PRRC2C: variants seen among roughly 807,000 people sequenced by gnomAD.
The protein encoded by PRRC2C is protein PRRC2C.
A neutral mutation model predicts 317.2 loss-of-function variants in PRRC2C; 72 were observed. The observed-to-expected ratio is 0.23, with a 90% CI of 0.19 to 0.28. PRRC2C has a LOEUF of 0.28. PRRC2C is among the 10% of genes least tolerant of loss of function. The pLI is 1.00. For missense variants in PRRC2C, 3,074 were observed against 3,459.7 expected, an observed-to-expected ratio of 0.89 and a Z score of 2.80; for synonymous variants, 1,296 against 1,205.9, an observed-to-expected ratio of 1.07 and a Z score of -1.55.
At chr1:171,578,072 A>T (rs1395546680) in intron 26 of PRRC2C, among the ~76,000 whole-genome samples, 2 of 150,370 alleles carry the variant, frequency 1.3e-5, no homozygotes, top group African/African-American at 4.9e-5. Flanking sequence ...CTGGAATTAT[A>T]GGCATGAGCC....
At chr1:171,578,784 C>T (rs541684411) in intron 26 of PRRC2C, among the ~76,000 whole-genome samples, 9 of 151,678 alleles carry the variant, frequency 5.9e-5, no homozygotes, top group South Asian at 2.1e-4. Flanking sequence ...CGCTTGAACC[C>T]GGGAGGTGGA....
At chr1:171,493,165 G>C (rs1667498510) in intron 1 of PRRC2C, among the ~76,000 whole-genome samples, 1 of 152,016 alleles carries the variant, frequency 6.6e-6, no homozygotes, top group South Asian at 2.1e-4. Flanking sequence ...TGATACGGAG[G>C]GATGTTAACC....
At chr1:171,567,688 C>T (rs1683945678) in intron 22 of PRRC2C, among the ~76,000 whole-genome samples, 2 of 152,154 alleles carry the variant, frequency 1.3e-5, no homozygotes, top group Non-Finnish European at 2.9e-5. Context: ...TAATAACCTA[C>T]AGAAATAAAT....
chr1:171,516,191 A>G (rs1672325938), intron 5 of PRRC2C, among the ~76,000 whole-genome samples: 1 of 152,224 alleles, frequency 6.6e-6, no homozygotes, highest in Admixed American at 6.5e-5. Context: ...GTAACTATTT[A>G]CTTACTACTG....
At chr1:171,510,737 C>G (rs1022982577) in intron 1 of PRRC2C, 2 of 151,796 alleles carry the variant, frequency 1.3e-5, no homozygotes, top group Non-Finnish European at 2.9e-5. Context: ...TAAACGTATA[C>G]GTGAAAAGCG....
chr1:171,527,637 T>C (rs1337301598), intron 10 of PRRC2C, among the ~76,000 whole-genome samples, 154 bp from the exon 11 acceptor site: 1 of 152,020 alleles, frequency 6.6e-6, no homozygotes, highest in African/African-American at 2.4e-5. Flanking sequence ...ACGCCTGTAA[T>C]CCCAGGTATT....
chr1:171,580,097 G>T, intron 28 of PRRC2C, 133 bp downstream of exon 28: 1 of 709,104 alleles, frequency 1.4e-6, no homozygotes, highest in Non-Finnish European at 2.0e-6. Context: ...TTGGCTAATT[G>T]AGCATGTTGA....
intron 11 of PRRC2C, among the ~76,000 whole-genome samples, chr1:171,529,351 T>C (rs1391559735): frequency 6.6e-6 from 1 of 152,176 alleles, no homozygotes; most frequent in Non-Finnish European, 1.5e-5. Context: ...ACATCTCCAC[T>C]TGGATCTCTA....
At chr1:171,508,896 C>CT (rs1356947538) in intron 1 of PRRC2C, among the ~76,000 whole-genome samples, 15 of 150,068 alleles carry the variant, frequency 1.0e-4, no homozygotes, top group East Asian at 7.8e-4. Context: ...TTTCTTTTTC[C>CT]TTTTTTTTGA....
chr1:171,583,924 C>T, intron 28 of PRRC2C, 32 bp from the exon 29 acceptor site: 4 of 1,555,100 alleles, frequency 2.6e-6, no homozygotes, highest in Non-Finnish European at 3.5e-6. Context: ...AAATTAACTT[C>T]TAACAATATT....
intron 30 of PRRC2C, among the ~76,000 whole-genome samples, chr1:171,586,259 A>AT (rs202207760): frequency 2.3e-3 from 339 of 146,322 alleles, no homozygotes; most frequent in African/African-American, 8.0e-3. Flanking sequence ...TTATTTATTT[A>AT]TTTTTTTTTT....
At chr1:171,504,407 G>C (rs531360615) in intron 1 of PRRC2C, among the ~76,000 whole-genome samples, 1 of 152,190 alleles carries the variant, frequency 6.6e-6, no homozygotes, top group South Asian at 2.1e-4. Flanking sequence ...TACAGTTTCA[G>C]GTTTTACATT....
At position 171,545,653 on chromosome 1, in the gene PRRC2C, T is replaced by C; in HGVS notation, c.4938T>C (p.Asp1646=). ...CTAAAAAACCAAAAGAGAAAGTGGA[T>C]GCTCTATCACAGTTTGATCTCAACA... ...PGPKKPKEKV[D]ALSQFDLNNY... Residue 1646 remains aspartate (D), a synonymous_variant, in exon 17 of 35, where the codon GAT becomes GAC. Coordinates refer to ENST00000647382, the MANE Select transcript of PRRC2C (RefSeq NM_001387844.1). The C allele has an allele frequency of 6.2e-7, 1 of 1,613,144 alleles. No homozygotes were observed. The highest frequency in any genetic ancestry group is 8.5e-7 in the Non-Finnish European group (1 of 1,179,372).
chr1:171,565,582 C>T (rs1683500603), intron 20 of PRRC2C, among the ~76,000 whole-genome samples: 3 of 152,032 alleles, frequency 2.0e-5, no homozygotes, highest in Admixed American at 1.3e-4. Context: ...TGAGTAGCTG[C>T]GATTACAGGC....
intron 10 of PRRC2C, among the ~76,000 whole-genome samples, 191 bp from the exon 11 acceptor site, chr1:171,527,600 T>C (rs1446631874): frequency 1.3e-5 from 2 of 151,966 alleles, no homozygotes; most frequent in Non-Finnish European, 1.5e-5. Flanking sequence ...CTACTAAAAA[T>C]GCAAAATTAC....
In PRRC2C at chr1:171,589,310, T is replaced by G. The variant is rs1022598965; in HGVS notation, c.8200-59T>G. On this transcript the variant is annotated intron_variant, in intron 33 of 34. Coordinates refer to ENST00000647382, the MANE Select transcript of PRRC2C (RefSeq NM_001387844.1). ...GAGCCAACCTGGTCTAGTTGGCAGT[T>G]TTTTTTTTTTTTTTTTTTTTAACAG... is the stretch of plus-strand genomic sequence containing the variant. The G allele has an allele frequency of 7.5e-5, 16 of 214,752 alleles. No homozygotes were observed. In the East Asian group the frequency reaches 2.6e-3, roughly 34 times the overall value. 13.3% of individuals were successfully genotyped at this position (214,752 alleles called of 1,614,324 possible).
intron 20 of PRRC2C, among the ~76,000 whole-genome samples, chr1:171,561,630 G>A (rs1682733394): frequency 6.6e-6 from 1 of 152,112 alleles, no homozygotes; most frequent in Non-Finnish European, 1.5e-5. Flanking sequence ...TATAAGGTGT[G>A]TCTCACTTTT....
At chr1:171,531,506 TTG>T (rs1675874214) in intron 11 of PRRC2C, among the ~76,000 whole-genome samples, 2 of 152,324 alleles carry the variant, frequency 1.3e-5, no homozygotes, top group Admixed American at 1.3e-4. Context: ...AGTGTTTTCG[TTG>T]TGTCATTGTT....
At chr1:171,513,416 A>G in intron 3 of PRRC2C, 1 of 588,132 alleles carries the variant, frequency 1.7e-6, no homozygotes, top group Non-Finnish European at 3.2e-6. Context: ...CATAGCCTTT[A>G]TTAGGCTCCC....
Sources: allele counts gnomAD v4.1 joint callset (sites outside exome capture counted in the v4.1 genomes callset), GRCh38; gene constraint gnomAD v4.1.1; transcripts MANE v1.5; gene names NCBI Gene and HGNC (gene_info 2026-07-23, HGNC 2026-07-21).